The following CNR2 variants were observed in gnomAD, a reference collection of about 807,000 sequenced individuals.
The protein encoded by CNR2 is cannabinoid receptor 2 (macrophage).
For synonymous variants in CNR2, 172 were observed against 182.2 expected (o/e 0.94, Z 0.45); for missense variants, 379 against 439.9 (o/e 0.86, Z 1.24).
At chr1:23,889,899 C>A (rs1640155449) in intron 1 of CNR2, among the ~76,000 whole-genome samples, 1 of 152,158 alleles carries the variant, frequency 6.6e-6, no homozygotes, top group Non-Finnish European at 1.5e-5. Flanking sequence ...TTACCAAATT[C>A]ATGTCACTGT....
chr1:23,881,327 T>C (rs1329249690), intron 1 of CNR2, among the ~76,000 whole-genome samples: 3 of 152,012 alleles, frequency 2.0e-5, no homozygotes, highest in African/African-American at 7.2e-5. Flanking sequence ...TTGGGCATGG[T>C]GGCTCATGCC....
At chr1:23,894,717 G>A (rs1413792655) in intron 1 of CNR2, among the ~76,000 whole-genome samples, 1 of 149,070 alleles carries the variant, frequency 6.7e-6, no homozygotes, top group Non-Finnish European at 1.5e-5. Flanking sequence ...AGTGAGCCAC[G>A]ATCCTGCCAC....
chr1:23,885,305 T>C (rs1283072058), intron 1 of CNR2, among the ~76,000 whole-genome samples: 1 of 151,438 alleles, frequency 6.6e-6, no homozygotes, highest in East Asian at 1.9e-4. Flanking sequence ...TGAAATGCAC[T>C]TGGATGGAAA....
chr1:23,905,672 C>G (rs1211550009), intron 1 of CNR2, among the ~76,000 whole-genome samples: 2 of 152,032 alleles, frequency 1.3e-5, no homozygotes, highest in African/African-American at 2.4e-5. Flanking sequence ...AAGGGACAAG[C>G]TGGGCAGAGG....
intron 1 of CNR2, among the ~76,000 whole-genome samples, chr1:23,908,397 C>T (rs369127872): frequency 2.6e-5 from 4 of 152,266 alleles, no homozygotes; most frequent in Admixed American, 6.5e-5. Flanking sequence ...TGGGCTCAAG[C>T]GATGCCTGGC....
Position 23,875,152 on chromosome 1 carries a change from T to C in CNR2, c.466A>G (p.Ile156Val). The change falls in exon 2 of 2, where the codon ATC becomes GTC. Residue 156 changes from isoleucine to valine, a missense_variant. Coordinates refer to ENST00000374472, the MANE Select transcript of CNR2 (RefSeq NM_001841.3). ...TRGRALVTLG[I>V]MWVLSALVSY... Reference sequence around the variant, plus strand: ...ACTAGTGCTGAGAGGACCCACATGATGCCCAGGGTCACCAGTGCCCTTCCA... The same window carrying C: ...ACTAGTGCTGAGAGGACCCACATGACGCCCAGGGTCACCAGTGCCCTTCCA... 1.2e-6 allele frequency: 2 copies of C among 1,613,530 alleles called. No homozygotes were observed. Among genetic ancestry groups the C allele is most frequent in the Non-Finnish European group, 1.7e-6 (2 of 1,179,660 alleles).
chr1:23,885,880 G>A (rs1264616565), intron 1 of CNR2, among the ~76,000 whole-genome samples: 1 of 82,310 alleles, frequency 1.2e-5, no homozygotes, highest in Non-Finnish European at 2.5e-5. Context: ...TCTGTCCTAG[G>A]AAAGAAAAAG....
At chr1:23,882,163 T>C (rs940291186) in intron 1 of CNR2, among the ~76,000 whole-genome samples, 2 of 152,038 alleles carry the variant, frequency 1.3e-5, no homozygotes. Context: ...CCTCAGGTTA[T>C]CTGCCCACCT....
intron 1 of CNR2, among the ~76,000 whole-genome samples, chr1:23,877,323 G>GA (rs1639901834): frequency 6.6e-6 from 1 of 152,194 alleles, no homozygotes. Flanking sequence ...CAGAACAACT[G>GA]AAAAGCATTG....
In CNR2 at chr1:23,894,929, CTGCAACACTGCCGGGCATGG is replaced by C. The variant is rs1398622430; in HGVS notation, c.-46+18297_-46+18316del. On this transcript the variant is annotated intron_variant, in intron 1 of 1. Transcript: ENST00000374472. ...GTAAATTAACTGACTAATTAGAAATCTGCAACACTGCCGGGCATGGTGGCTCACACCTCTAATCCTAGCAC... is the reference window on the plus strand; with the variant it reads ...GTAAATTAACTGACTAATTAGAAATCTGGCTCACACCTCTAATCCTAGCAC... 2.0e-5 allele frequency among the ~76,000 whole-genome samples: 3 copies of C among 152,060 alleles called. No homozygotes were observed. The East Asian group carries it at 5.8e-4, about 30-fold the overall frequency.
At chr1:23,882,495 G>C (rs989799383) in intron 1 of CNR2, among the ~76,000 whole-genome samples, 3 of 152,108 alleles carry the variant, frequency 2.0e-5, no homozygotes, top group Non-Finnish European at 4.4e-5. Flanking sequence ...CGTATGCAAA[G>C]GGAAATTTAC....
chr1:23,905,684 T>A (rs1640475585), intron 1 of CNR2, among the ~76,000 whole-genome samples: 2 of 152,050 alleles, frequency 1.3e-5, no homozygotes, highest in South Asian at 4.2e-4. Flanking sequence ...GGGCAGAGGC[T>A]GATGGATGAA....
At chr1:23,892,768 C>T (rs1200282688) in intron 1 of CNR2, among the ~76,000 whole-genome samples, 2 of 152,150 alleles carry the variant, frequency 1.3e-5, no homozygotes, top group Non-Finnish European at 2.9e-5. Context: ...GTAATCCCAG[C>T]ACTTTGGGAG....
intron 1 of CNR2, among the ~76,000 whole-genome samples, chr1:23,879,375 G>A (rs190721813): frequency 8.7e-4 from 133 of 152,034 alleles, no homozygotes; most frequent in Non-Finnish European, 1.6e-3. Flanking sequence ...GGCACTTTGG[G>A]AGTCCAAGGC....
chr1:23,883,380 G>A (rs1322548052), intron 1 of CNR2, among the ~76,000 whole-genome samples: 3 of 152,202 alleles, frequency 2.0e-5, no homozygotes, highest in Non-Finnish European at 4.4e-5. Flanking sequence ...CGTCCAGGGA[G>A]GCATGTACAA....
intron 1 of CNR2, among the ~76,000 whole-genome samples, chr1:23,880,731 T>C (rs1378150932): frequency 1.3e-5 from 2 of 151,204 alleles, no homozygotes; most frequent in Non-Finnish European, 3.0e-5. Context: ...AGGCATGGCT[T>C]TTTTTAATAT....
chr1:23,894,914 T>C (rs573383708), intron 1 of CNR2, among the ~76,000 whole-genome samples: 9 of 151,994 alleles, frequency 5.9e-5, no homozygotes, highest in Non-Finnish European at 1.3e-4. Context: ...GTAAATTAAC[T>C]GACTAATTAG....
In CNR2 at chr1:23,875,649, T is replaced by C; in HGVS notation, c.-32A>G. ...GGCCCTTCAGATTCCACTGAGCTTG[T>C]CTAGAAGGCTTTGCTGCAGTACAAT... On this transcript the variant is annotated 5_prime_UTR_variant, in exon 2 of 2. Transcript: ENST00000374472. 6.4e-7 allele frequency: 1 copy of C among 1,555,000 alleles called. No individual in the cohort carries two copies. Among genetic ancestry groups the C allele is most frequent in the Non-Finnish European group, 8.7e-7 (1 of 1,150,394 alleles).
chr1:23,874,582 T>C lies in CNR2; in HGVS notation c.1036A>G (p.Ile346Val), dbSNP rs2148455236. 2 of 1,613,994 alleles carry C rather than the reference T, an allele frequency of 1.2e-6. No individual in the cohort carries two copies. The highest frequency in any genetic ancestry group is 1.7e-6 in the Non-Finnish European group (2 of 1,179,990). Reference protein sequence around the residue: ...SVTETEADGKITPWPDSRDLD... With the variant: ...SVTETEADGKVTPWPDSRDLD... Reference sequence around the variant, plus strand: ...TCTCTGGAATCTGGCCACGGAGTGATTTTCCCATCAGCCTCTGTCTCGGTG... The same window carrying C: ...TCTCTGGAATCTGGCCACGGAGTGACTTTCCCATCAGCCTCTGTCTCGGTG... Residue 346 changes from isoleucine to valine, a missense_variant, in exon 2 of 2, where the codon ATC becomes GTC. By Grantham distance (29) the Ile-to-Val change is conservative. Coordinates refer to ENST00000374472, the MANE Select transcript of CNR2 (RefSeq NM_001841.3).
Sources: gnomAD v4.1 joint callset for allele counts (sites outside exome capture counted in the v4.1 genomes callset) on GRCh38, gnomAD v4.1.1 for gene constraint, MANE v1.5 for transcripts, NCBI Gene and HGNC (gene_info 2026-07-23, HGNC 2026-07-21) for gene names.